The following PHF3 variants were observed in gnomAD, a reference collection of about 807,000 sequenced individuals.
The protein encoded by PHF3 is PHD finger protein 3.
Under a neutral mutation model 178.4 loss-of-function variants are expected in PHF3, and 41 were observed. The ratio of observed to expected loss-of-function variants is 0.23; its 90% CI spans 0.18 to 0.30. The LOEUF (loss-of-function observed/expected upper bound fraction) is 0.30, where lower values mean the gene tolerates loss of function less well. Ranked by LOEUF, PHF3 falls within the 10% of genes least tolerant of loss-of-function variation. PHF3 has a pLI of 1.00. For synonymous variants in PHF3, 842 were observed against 800.5 expected, an observed-to-expected ratio of 1.05 and a Z score of -0.88; for missense variants, 2,346 against 2,398.1, an observed-to-expected ratio of 0.98 and a Z score of 0.45.
rs753217583 is a variant in PHF3, at chr6:63,685,918, G to C, written c.2189+7G>C. 6.3e-7 allele frequency: 1 copy of C among 1,581,704 alleles called. No individual in the cohort carries two copies. The highest frequency in any genetic ancestry group is 8.6e-7 in the Non-Finnish European group (1 of 1,156,840). Reference sequence around the variant, plus strand: ...AAAAACCACATGGCAACAGGTGTGTGTGTATGTGTGTATGAGTGATGTGTA... The same window carrying C: ...AAAAACCACATGGCAACAGGTGTGTCTGTATGTGTGTATGAGTGATGTGTA... On this transcript the variant is annotated splice_region_variant and intron_variant, in intron 4 of 15. Coordinates refer to ENST00000262043, the MANE Select transcript of PHF3 (RefSeq NM_001370348.2).
chr6:63,723,876 C>T lies in PHF3; in HGVS notation c.*10168C>T, dbSNP rs1362247306. On this transcript the variant is annotated 3_prime_UTR_variant, in exon 16 of 16. Transcript: ENST00000262043. Reference sequence around the variant, plus strand: ...CTGCTCTGTCCCCCAAGCTGGAGTGCAATGGTGCAATCTCGGCTCACTGCA... The same window carrying T: ...CTGCTCTGTCCCCCAAGCTGGAGTGTAATGGTGCAATCTCGGCTCACTGCA... Among the ~76,000 whole-genome samples, 1 of 151,088 alleles carries T rather than the reference C, an allele frequency of 6.6e-6. No individual in the cohort carries two copies. The highest frequency in any genetic ancestry group is 6.6e-5 in the Admixed American group (1 of 15,158).
chr6:63,666,067 A>T (rs551555572), intron 2 of PHF3, among the ~76,000 whole-genome samples: 8 of 152,280 alleles, frequency 5.3e-5, no homozygotes, highest in African/African-American at 1.7e-4. Context: ...TCATAGATTG[A>T]TTGTCATGTC....
At chr6:63,655,266 A>G (rs139676877) in intron 2 of PHF3, among the ~76,000 whole-genome samples, 1,786 of 152,020 alleles carry the variant, frequency 0.012, 30 homozygotes, top group African/African-American at 0.041. Context: ...TAGTAGAGAT[A>G]GGGTTTCTCC....
intron 14 of PHF3, 83 bp downstream of exon 14, chr6:63,709,323 A>C: frequency 1.1e-6 from 1 of 919,598 alleles, no homozygotes; most frequent in South Asian, 1.4e-5. Context: ...AAGGGTGCAA[A>C]GTCTCCTGGG....
chr6:63,720,183 AT>A lies in PHF3; in HGVS notation c.*6482del, dbSNP rs571843718. On this transcript the variant is annotated 3_prime_UTR_variant, in exon 16 of 16. Coordinates refer to ENST00000262043, the MANE Select transcript of PHF3 (RefSeq NM_001370348.2). ...TATTTTTCCTTTGATTAATAACTTG[AT>A]TTTTTTCTTATTTGTACCTATCCCT... 209 of 222,122 alleles carry A rather than the reference AT, an allele frequency of 9.4e-4. 1 individual carries two copies. Among genetic ancestry groups the A allele is most frequent in the Non-Finnish European group, 1.6e-3 (179 of 114,390 alleles). The allele number at this position is 222,122 out of a possible 1,614,324, so 13.8% of individuals were successfully genotyped here. A position where few individuals can be genotyped will look rare whatever the true frequency, so the allele number is the denominator to read the frequency against.
chr6:63,713,304 C>G lies in PHF3; in HGVS notation c.5716C>G (p.Gln1906Glu). The change falls in exon 16 of 16, where the codon CAA (glutamine) becomes GAA (glutamate). Residue 1906 changes from glutamine to glutamate, a missense_variant. Physicochemically the swap from Gln to Glu is conservative, Grantham distance 29. Around this residue, in one of 8 missense-constraint regions of PHF3, gnomAD observed 839 missense variants for 806.9 expected, o/e 1.04. Coordinates refer to ENST00000262043, the MANE Select transcript of PHF3 (RefSeq NM_001370348.2). The stretch of plus-strand genomic sequence containing the variant: ...TAGTGACCCTTGGGGTAGGCAAGAC[C>G]AACAGCAACTGGATAGGCCATTTAA... Reference protein sequence around the residue: ...RHSDPWGRQDQQQLDRPFNRG... With the variant: ...RHSDPWGRQDEQQLDRPFNRG... 6.2e-7 allele frequency: 1 copy of G among 1,613,924 alleles called. No individual in the cohort carries two copies. Among genetic ancestry groups the G allele is most frequent in the South Asian group, 1.1e-5 (1 of 91,058 alleles).
chr6:63,672,685 A>G (rs898002582), intron 2 of PHF3, among the ~76,000 whole-genome samples: 3 of 151,904 alleles, frequency 2.0e-5, no homozygotes, highest in Admixed American at 6.6e-5. Flanking sequence ...CCTGAGAAGG[A>G]CTCTACTTCT....
At chr6:63,636,286 C>T (rs986724434) in intron 1 of PHF3, 136 bp downstream of exon 1, 2 of 232,308 alleles carry the variant, frequency 8.6e-6, no homozygotes, top group African/African-American at 2.3e-5. Flanking sequence ...CCCGCGCAGC[C>T]GAGAGATCGC....
chr6:63,713,824 C>A lies in PHF3; in HGVS notation c.*116C>A. Reference sequence around the variant, plus strand: ...CATCTTTAAAATTTTTACTATTGGTCATTTGCAGAACAGTAAATTCTGTGT... The same window carrying A: ...CATCTTTAAAATTTTTACTATTGGTAATTTGCAGAACAGTAAATTCTGTGT... On this transcript the variant is annotated 3_prime_UTR_variant, in exon 16 of 16. Transcript: ENST00000262043. The A allele has an allele frequency of 2.4e-6, 2 of 823,154 alleles. No individual in the cohort carries two copies. Among genetic ancestry groups the A allele is most frequent in the Non-Finnish European group, 3.7e-6 (2 of 535,868 alleles). The allele number at this position is 823,154 out of a possible 1,614,324, so 51.0% of individuals were successfully genotyped here.
At chr6:63,663,557 A>G (rs1047745656) in intron 2 of PHF3, among the ~76,000 whole-genome samples, 6 of 152,156 alleles carry the variant, frequency 3.9e-5, no homozygotes, top group African/African-American at 1.4e-4. Context: ...TCCAGACTTT[A>G]TATTATTTTC....
chr6:63,653,154 G>GTT (rs559811903), intron 2 of PHF3, among the ~76,000 whole-genome samples: 4 of 84,640 alleles, frequency 4.7e-5, no homozygotes, highest in African/African-American at 7.9e-5. Flanking sequence ...ATGTTGGCTA[G>GTT]TTTTTTTTTT....
intron 2 of PHF3, among the ~76,000 whole-genome samples, chr6:63,650,897 T>C (rs967481936): frequency 1.3e-5 from 2 of 150,962 alleles, no homozygotes; most frequent in African/African-American, 2.5e-5. Flanking sequence ...AGATATTTAT[T>C]ACTCCCTATT....
At chr6:63,662,016 C>G (rs1248876956) in intron 2 of PHF3, among the ~76,000 whole-genome samples, 1 of 152,166 alleles carries the variant, frequency 6.6e-6, no homozygotes, top group Non-Finnish European at 1.5e-5. Context: ...GTTCCACCTC[C>G]TGTCAGATCA....
chr6:63,670,644 T>A (rs1161805615), intron 2 of PHF3, among the ~76,000 whole-genome samples: 4 of 152,238 alleles, frequency 2.6e-5, no homozygotes, highest in African/African-American at 9.6e-5. Flanking sequence ...TTGAGTCTAG[T>A]TGAACATGGA....
intron 2 of PHF3, among the ~76,000 whole-genome samples, chr6:63,658,708 T>TTGTGTGTGTGTGTGTGTG (rs3071174): frequency 6.9e-6 from 1 of 145,216 alleles, no homozygotes; most frequent in Non-Finnish European, 1.5e-5. Flanking sequence ...CCAATAGATT[T>TTGTGTGTGTGTGTGTGTG]TGTGTGTGTG....
At chr6:63,674,384 G>T (rs974873223) in intron 2 of PHF3, among the ~76,000 whole-genome samples, 2 of 98,052 alleles carry the variant, frequency 2.0e-5, no homozygotes, top group African/African-American at 3.3e-5. Context: ...CGTAAAGAAG[G>T]AATAGAAGAG....
intron 2 of PHF3, among the ~76,000 whole-genome samples, chr6:63,672,121 G>A (rs1163630204): frequency 1.3e-5 from 2 of 152,214 alleles, no homozygotes; most frequent in East Asian, 1.9e-4. Context: ...GATTGCAGGC[G>A]TGAGCCACCG....
At chr6:63,668,978 A>AGGTC (rs1198994189) in intron 2 of PHF3, among the ~76,000 whole-genome samples, 1 of 152,190 alleles carries the variant, frequency 6.6e-6, no homozygotes, top group African/African-American at 2.4e-5. Context: ...ATGTAAAAGG[A>AGGTC]GGTCAGCTTG....
chr6:63,636,200 C>T (rs1764322478), intron 1 of PHF3, 50 bp downstream of exon 1: 3 of 369,030 alleles, frequency 8.1e-6, no homozygotes, highest in East Asian at 3.9e-5. Context: ...TCCTCCCCTC[C>T]CCCATCCCCT....
Sources: gnomAD v4.1 joint callset for allele counts (sites outside exome capture counted in the v4.1 genomes callset) on GRCh38, gnomAD v4.1.1 for gene constraint, gnomAD v4.1.1 regional missense constraint, MANE v1.5 for transcripts, NCBI Gene and HGNC (gene_info 2026-07-23, HGNC 2026-07-21) for gene names.